The following ANK2 variants were observed in gnomAD, a reference collection of about 807,000 sequenced individuals.
The protein encoded by ANK2 is ankyrin 2.
In ANK2, 83 loss-of-function variants were observed where a neutral mutation model predicts 360.5. The observed-to-expected ratio is 0.23, with a 90% CI of 0.19 to 0.28. The LOEUF (loss-of-function observed/expected upper bound fraction) is 0.28. Ranked by LOEUF, ANK2 falls within the 10% of genes least tolerant of loss-of-function variation. The probability of loss-of-function intolerance (pLI) is 1.00; values close to 1 mark genes in which losing one functional copy is unlikely to be tolerated. For missense variants in ANK2, 4,201 were observed against 4,795.7 expected (o/e 0.88, Z 3.66); for synonymous variants, 1,740 against 1,759.5 (o/e 0.99, Z 0.28).
At chr4:112,728,636 T>G in the ANK2 span, among the ~76,000 whole-genome samples, 1 of 152,106 alleles carries the variant, frequency 6.6e-6, no homozygotes, top group African/African-American at 2.4e-5. Flanking sequence ...CCTGTGGTCT[T>G]AGCTACTCTG....
rs2095969252 is a variant in ANK2, at chr4:113,358,523, C to A, written c.9905C>A (p.Ser3302Tyr). ...AATGTGCCTTTTACTGAAAGCAAAT[C>A]CAAAATTCCTGTAAGGACTATGCCC... is the stretch of plus-strand genomic sequence containing the variant. Reference protein sequence around the residue: ...MENVPFTESKSKIPVRTMPTS... With the variant: ...MENVPFTESKYKIPVRTMPTS... The change falls in exon 38 of 46, where the codon TCC (serine) becomes TAC (tyrosine). Residue 3302 changes from serine (S) to tyrosine (Y), a missense_variant. Ser to Tyr is a moderately radical substitution (Grantham distance 144). Transcript: ENST00000357077. The A allele has an allele frequency of 6.2e-7, 1 of 1,614,068 alleles. No individual in the cohort carries two copies. The highest frequency in any genetic ancestry group is 8.5e-7 in the Non-Finnish European group (1 of 1,179,968).
intron 1 of ANK2, among the ~76,000 whole-genome samples, chr4:113,128,013 A>G (rs753282199): frequency 2.0e-5 from 3 of 152,232 alleles, no homozygotes; most frequent in Non-Finnish European, 4.4e-5. Context: ...CAGAAATACA[A>G]ATTTCATGTG....
chr4:113,142,872 G>A lies in ANK2; in HGVS notation c.85-31544G>A, dbSNP rs558348162. ...CAAAGCACTGTAATTTCTTTTCTAG[G>A]AAAATTTACCCCAAATGGTGTTAAC... On this transcript the variant is annotated intron_variant, in intron 1 of 45. Transcript: ENST00000357077. Among the ~76,000 whole-genome samples the A allele has an allele frequency of 3.9e-5, 6 of 152,116 alleles. No homozygotes were observed. The South Asian group carries it at 1.0e-3, about 26-fold the overall frequency.
chr4:113,328,626 C>T (rs1161149957), intron 26 of ANK2, among the ~76,000 whole-genome samples: 1 of 152,124 alleles, frequency 6.6e-6, no homozygotes, highest in African/African-American at 2.4e-5. Context: ...TTGTACTTCC[C>T]AGTTTTTACT....
At chr4:113,256,817 T>C (rs565447512) in intron 11 of ANK2, among the ~76,000 whole-genome samples, 3 of 152,372 alleles carry the variant, frequency 2.0e-5, no homozygotes, top group African/African-American at 7.2e-5. Flanking sequence ...AATCAATTTA[T>C]TGATAATTAC....
chr4:113,208,708 G>T (rs1004627000), intron 4 of ANK2, among the ~76,000 whole-genome samples: 3 of 151,780 alleles, frequency 2.0e-5, no homozygotes, highest in South Asian at 2.1e-4. Context: ...TTGCTATCTC[G>T]CCCAGACTGG....
At chr4:113,206,972 T>C (rs2098958148) in intron 4 of ANK2, among the ~76,000 whole-genome samples, 1 of 152,068 alleles carries the variant, frequency 6.6e-6, no homozygotes, top group South Asian at 2.1e-4. Flanking sequence ...TGCAGTGAGC[T>C]GAGATCGCTG....
At chr4:112,915,512 A>G (rs1481885954) in intron 2 of ANK2, among the ~76,000 whole-genome samples, 1 of 152,082 alleles carries the variant, frequency 6.6e-6, no homozygotes, top group Non-Finnish European at 1.5e-5. Context: ...ACACTTTGGG[A>G]GGCCGAGTTG....
the ANK2 span, chr4:112,706,905 A>G: frequency 1.3e-5 from 2 of 152,190 alleles, no homozygotes; most frequent in African/African-American, 4.8e-5. Context: ...TTGTATGGTA[A>G]TATTAAAACA....
Position 113,373,421 on chromosome 4 carries a change from T to G in ANK2, c.11831T>G (p.Val3944Gly), listed in dbSNP as rs1253303416. The G allele has an allele frequency of 1.2e-6, 2 of 1,614,196 alleles. No individual in the cohort carries two copies. Among genetic ancestry groups the G allele is most frequent in the Admixed American group, 1.7e-5 (1 of 60,026 alleles). Reference protein sequence around the residue: ...DGYSKVIKRVVLKSDTEQSED... With the variant: ...DGYSKVIKRVGLKSDTEQSED... Reference sequence around the variant, plus strand: ...TATTCCAAAGTTATAAAGCGTGTTGTATTGAAGAGTGACACCGAGCAGTCA... The same window carrying G: ...TATTCCAAAGTTATAAAGCGTGTTGGATTGAAGAGTGACACCGAGCAGTCA... The change falls in exon 45 of 46, where the codon GTA becomes GGA. Residue 3944 changes from valine (V) to glycine (G), a missense_variant. Physicochemically the swap from Val to Gly is moderately radical, Grantham distance 109 (BLOSUM62 -3). Coordinates refer to ENST00000357077, the MANE Select transcript of ANK2 (RefSeq NM_001148.6).
At chr4:112,950,651 A>C (rs78284362) in intron 2 of ANK2, among the ~76,000 whole-genome samples, 1 of 31,418 alleles carries the variant, frequency 3.2e-5, no homozygotes, top group South Asian at 1.8e-3. Flanking sequence ...CTCAAAAAGA[A>C]AAAAAAAAAA....
At chr4:113,117,194 G>T (rs2094890956) in intron 1 of ANK2, 1 of 412,610 alleles carries the variant, frequency 2.4e-6, no homozygotes, top group Non-Finnish European at 4.8e-6. Flanking sequence ...GCCCTGGTGG[G>T]GAAAATCACA....
upstream of ANK2, among the ~76,000 whole-genome samples, chr4:112,813,503 C>T (rs1227247620): frequency 6.6e-6 from 1 of 151,710 alleles, no homozygotes; most frequent in Admixed American, 6.6e-5. Flanking sequence ...ACTTTCTATA[C>T]TATTTTTCCT....
At chr4:113,313,524 A>G (rs59184766) in intron 24 of ANK2, among the ~76,000 whole-genome samples, 20,507 of 152,146 alleles carry the variant, frequency 0.13, 2,517 homozygotes, top group African/African-American at 0.33. Context: ...CTAGATCACT[A>G]GATGTATTCA....
intron 2 of ANK2, among the ~76,000 whole-genome samples, chr4:113,041,053 C>T (rs1044906006): frequency 2.0e-5 from 3 of 151,990 alleles, no homozygotes; most frequent in African/African-American, 7.2e-5. Context: ...TCTGTCCACC[C>T]CTCATCATCA....
In ANK2 at chr4:113,356,475, ATCT is replaced by A. The variant is rs772341643; in HGVS notation, c.7863_7865del (p.Ser2624del). ...ACAAAAAAGAACCCAAACAAGAAGA[ATCT>A]TCTTCATCTTCTGACCCAGATGCTG... On this transcript the variant is annotated inframe_deletion, in exon 38 of 46. Transcript: ENST00000357077. The A allele has an allele frequency of 2.0e-5, 33 of 1,614,022 alleles. No individual in the cohort carries two copies. Among genetic ancestry groups the A allele is most frequent in the African/African-American group, 5.3e-5 (4 of 74,942 alleles).
chr4:112,746,465 A>G, the ANK2 span, among the ~76,000 whole-genome samples: 1 of 149,980 alleles, frequency 6.7e-6, no homozygotes, highest in South Asian at 2.1e-4. Flanking sequence ...CTGAGATTGC[A>G]CTACTGCACT....
At chr4:113,285,337 T>C (rs1013074442) in intron 18 of ANK2, among the ~76,000 whole-genome samples, 1 of 152,088 alleles carries the variant, frequency 6.6e-6, no homozygotes, top group African/African-American at 2.4e-5. Context: ...GTTAGATCCC[T>C]TCAGTTGAGG....
At chr4:113,364,405 T>G (rs756652243) in intron 40 of ANK2, among the ~76,000 whole-genome samples, 2 of 152,238 alleles carry the variant, frequency 1.3e-5, no homozygotes, top group Non-Finnish European at 2.9e-5. Context: ...ACTTCTGAAG[T>G]ATGCATGTTG....
Sources: gnomAD v4.1 joint callset for allele counts (sites outside exome capture counted in the v4.1 genomes callset) on GRCh38, gnomAD v4.1.1 for gene constraint, MANE v1.5 for transcripts, NCBI Gene and HGNC (gene_info 2026-07-23, HGNC 2026-07-21) for gene names.